Variants in GALNT14 observed in about 807,000 individuals in gnomAD.
GALNT14 encodes the protein UDP-GalNAc:polypeptide N-acetylgalactosaminyltransferase 14.
In GALNT14, 60 loss-of-function variants were observed where a neutral mutation model predicts 77.5. That is an observed-to-expected ratio of 0.77 (90% confidence interval 0.63 to 0.96). The LOEUF is 0.96. Ranked by LOEUF, GALNT14 falls within the 40% of genes least tolerant of loss-of-function variation. The pLI, the probability that GALNT14 is intolerant of heterozygous loss-of-function variation, is 0.00. For missense variants in GALNT14, 710 were observed against 731.0 expected, an observed-to-expected ratio of 0.97 and a Z score of 0.33; for synonymous variants, 280 against 281.7, an observed-to-expected ratio of 0.99 and a Z score of 0.06.
chr2:30,937,975 A>C (rs2148269885), intron 9 of GALNT14, among the ~76,000 whole-genome samples: 1 of 152,256 alleles, frequency 6.6e-6, no homozygotes, highest in East Asian at 1.9e-4. Context: ...AGTGATGATT[A>C]TAGGATTTAA....
At chr2:30,944,714 A>G (rs777289602) in intron 8 of GALNT14, 144 bp downstream of exon 8, 1 of 598,078 alleles carries the variant, frequency 1.7e-6, no homozygotes, top group Non-Finnish European at 2.8e-6. Flanking sequence ...ACCTCCTAAA[A>G]TAAAGGCAAA....
the GALNT14 span, among the ~76,000 whole-genome samples, chr2:30,904,173 G>A: frequency 6.6e-6 from 1 of 152,200 alleles, no homozygotes; most frequent in Non-Finnish European, 1.5e-5. Context: ...TGGCAGGTGT[G>A]CATCATCAAT....
chr2:30,938,397 C>T (rs1244429923), intron 9 of GALNT14, among the ~76,000 whole-genome samples: 2 of 151,922 alleles, frequency 1.3e-5, no homozygotes, highest in African/African-American at 4.8e-5. Flanking sequence ...CTCTCTCTCT[C>T]TCTCTCTCTC....
intron 1 of GALNT14, among the ~76,000 whole-genome samples, chr2:31,017,936 G>T (rs890291780): frequency 1.3e-5 from 2 of 152,238 alleles, no homozygotes; most frequent in African/African-American, 4.8e-5. Flanking sequence ...TGAGTAATAA[G>T]GGCACCTGTA....
intron 11 of GALNT14, among the ~76,000 whole-genome samples, chr2:30,925,398 G>T (rs1336337786): frequency 6.6e-6 from 1 of 152,214 alleles, no homozygotes; most frequent in Non-Finnish European, 1.5e-5. Context: ...CACAGCCCAG[G>T]TGACATAGGA....
intron 9 of GALNT14, among the ~76,000 whole-genome samples, chr2:30,936,899 T>C (rs1666089662): frequency 6.6e-6 from 1 of 152,198 alleles, no homozygotes; most frequent in East Asian, 1.9e-4. Context: ...ATATTCTCTA[T>C]GCAAACAGAG....
chr2:30,974,355 C>A (rs1453338636), intron 2 of GALNT14, among the ~76,000 whole-genome samples: 1 of 152,224 alleles, frequency 6.6e-6, no homozygotes, highest in African/African-American at 2.4e-5. Flanking sequence ...TTCAATCTAC[C>A]CTGCATGCTG....
In GALNT14 at chr2:30,925,490, T is replaced by C. The variant is rs538911438; in HGVS notation, c.1152-667A>G. On this transcript the variant is annotated intron_variant, in intron 11 of 14. Transcript: ENST00000349752. Reference sequence around the variant, plus strand: ...ATGGTGGTCAAGGTAGTAATGGTGATGCTGGTATCTGGAAGGAAAAGGGGA... The same window carrying C: ...ATGGTGGTCAAGGTAGTAATGGTGACGCTGGTATCTGGAAGGAAAAGGGGA... Among the ~76,000 whole-genome samples the C allele has an allele frequency of 2.5e-3, 379 of 152,256 alleles. 3 individuals carry two copies. Among genetic ancestry groups the C allele is most frequent in the African/African-American group, 8.9e-3 (369 of 41,568 alleles).
intron 1 of GALNT14, among the ~76,000 whole-genome samples, chr2:31,062,545 A>G (rs892523056): frequency 3.9e-5 from 6 of 152,226 alleles, no homozygotes; most frequent in African/African-American, 1.4e-4. Context: ...TCTTTATAGT[A>G]GAATGATTTA....
At chr2:31,092,482 T>C (rs1676799970) in intron 1 of GALNT14, among the ~76,000 whole-genome samples, 1 of 152,098 alleles carries the variant, frequency 6.6e-6, no homozygotes, top group South Asian at 2.1e-4. Context: ...AGCAGAGGGA[T>C]ATAGACAAAA....
rs145602304 is a variant in GALNT14, at chr2:30,924,136, C to T, written c.1363G>A (p.Glu455Lys). Residue 455 changes from glutamate (E) to lysine (K), a missense_variant, in exon 13 of 15, where the codon GAA (glutamate) becomes AAA (lysine). Transcript: ENST00000349752. Reference sequence around the variant, plus strand: ...TACTTTACCTGGGACTTTGCATCTTCGCCTTTGACCTTGGCACAGGGGCTC... The same window carrying T: ...TACTTTACCTGGGACTTTGCATCTTTGCCTTTGACCTTGGCACAGGGGCTC... ...KLSPCAKVKG[E>K]DAKSQVWAFT... 1.5e-5 allele frequency: 24 copies of T among 1,614,132 alleles called. No individual in the cohort carries two copies. Among genetic ancestry groups the T allele is most frequent in the South Asian group, 5.5e-5 (5 of 91,090 alleles).
rs893402611 is a variant in GALNT14, at chr2:31,034,837, GA to G, written c.130-41831del. On this transcript the variant is annotated intron_variant, in intron 1 of 14. Transcript: ENST00000349752. ...CAGACTGTTTTCTAATTTCTCCTGT[GA>G]TTTCTTCTTTAACCTATTAGTTATT... Among the ~76,000 whole-genome samples the G allele has an allele frequency of 7.0e-4, 106 of 152,152 alleles. 1 individual carries two copies. The highest frequency in any genetic ancestry group is 2.5e-3 in the African/African-American group (102 of 41,524).
rs757951766 is a variant in GALNT14, at chr2:30,945,864, T to C, written c.661A>G (p.Thr221Ala). 2.5e-6 allele frequency: 4 copies of C among 1,614,036 alleles called. No homozygotes were observed. Among genetic ancestry groups the C allele is most frequent in the Non-Finnish European group, 3.4e-6 (4 of 1,179,888 alleles). Reference protein sequence around the residue: ...PLLHRVKEDYTRVVCPVIDII... With the variant: ...PLLHRVKEDYARVVCPVIDII... ...TCGATCACAGGGCACACCACCCGCG[T>C]GTAGTCCTGTAAGACAACAGACCCG... Residue 221 changes from threonine (T) to alanine (A), a missense_variant, in exon 7 of 15, where the codon ACG becomes GCG. Transcript: ENST00000349752.
intron 1 of GALNT14, among the ~76,000 whole-genome samples, chr2:31,078,392 G>A (rs994701109): frequency 3.3e-5 from 5 of 152,182 alleles, no homozygotes; most frequent in Non-Finnish European, 7.3e-5. Flanking sequence ...CTCTTAATGG[G>A]CCTTCCCCTT....
At chr2:31,023,724 T>C (rs1272934590) in intron 1 of GALNT14, among the ~76,000 whole-genome samples, 3 of 151,956 alleles carry the variant, frequency 2.0e-5, no homozygotes, top group African/African-American at 7.3e-5. Context: ...AGTAGCCTCA[T>C]CCCTCCCCTG....
intron 1 of GALNT14, among the ~76,000 whole-genome samples, chr2:31,025,282 G>A (rs72855298): frequency 0.03 from 4,496 of 152,248 alleles, 218 homozygotes; most frequent in African/African-American, 0.1. Flanking sequence ...CCCATTGCAA[G>A]ACACCTGACC....
At chr2:31,014,400 A>G (rs1671215173) in intron 1 of GALNT14, among the ~76,000 whole-genome samples, 1 of 152,174 alleles carries the variant, frequency 6.6e-6, no homozygotes. Context: ...CCTCCCACAG[A>G]GAGGCATTGG....
chr2:31,043,275 C>T (rs568782416), intron 1 of GALNT14, among the ~76,000 whole-genome samples: 1 of 152,222 alleles, frequency 6.6e-6, no homozygotes, highest in African/African-American at 2.4e-5. Context: ...AGTATTCCCC[C>T]AGTCCATGCT....
At chr2:31,118,316 C>CA (rs1036254986) in intron 1 of GALNT14, among the ~76,000 whole-genome samples, 7 of 151,238 alleles carry the variant, frequency 4.6e-5, no homozygotes, top group South Asian at 2.1e-4. Flanking sequence ...ACCAAAGTAC[C>CA]AAAAAAAACT....
Sources: gnomAD v4.1 joint callset for allele counts (sites outside exome capture counted in the v4.1 genomes callset) on GRCh38, gnomAD v4.1.1 for gene constraint, MANE v1.5 for transcripts, NCBI Gene and HGNC (gene_info 2026-07-23, HGNC 2026-07-21) for gene names.